The following BMPER variants were observed in gnomAD, a reference collection of about 807,000 sequenced individuals.
The protein encoded by BMPER is BMP binding endothelial regulator, also known as BMP-binding endothelial regulator protein.
Under a neutral mutation model 87.3 loss-of-function variants are expected in BMPER, and 45 were observed. The observed-to-expected ratio is 0.52, with a 90% CI of 0.41 to 0.66. The LOEUF is 0.66. Among genes scored for constraint, BMPER ranks in the 30% least tolerant of loss-of-function variants. The pLI is 0.00. For synonymous variants in BMPER, 326 were observed against 316.2 expected, an observed-to-expected ratio of 1.03 and a Z score of -0.33; for missense variants, 784 against 867.5, an observed-to-expected ratio of 0.90 and a Z score of 1.21.
chr7:33,981,927 GCA>G (rs1406378536), intron 6 of BMPER, among the ~76,000 whole-genome samples: 3 of 152,218 alleles, frequency 2.0e-5, no homozygotes, highest in Non-Finnish European at 4.4e-5. Context: ...AGTTCTGGTG[GCA>G]GGAAGCTGTG....
At chr7:34,068,302 T>C (rs991580523) in intron 11 of BMPER, among the ~76,000 whole-genome samples, 9 of 152,244 alleles carry the variant, frequency 5.9e-5, no homozygotes, top group African/African-American at 2.2e-4. Context: ...GGTCTGGAAT[T>C]ACTTCCCTTA....
chr7:34,069,987 A>G (rs1788695715), intron 11 of BMPER, among the ~76,000 whole-genome samples: 1 of 151,786 alleles, frequency 6.6e-6, no homozygotes, highest in Non-Finnish European at 1.5e-5. Context: ...CTGACTTTCC[A>G]TATCCTTCTT....
chr7:33,938,871 T>C (rs1562641887), intron 3 of BMPER, among the ~76,000 whole-genome samples: 1 of 151,896 alleles, frequency 6.6e-6, no homozygotes, highest in South Asian at 2.1e-4. Flanking sequence ...ACTAAAAATA[T>C]AAAAATTAGC....
intron 6 of BMPER, among the ~76,000 whole-genome samples, chr7:34,036,702 G>A (rs890983649): frequency 9.9e-5 from 15 of 152,086 alleles, no homozygotes; most frequent in Non-Finnish European, 1.6e-4. Context: ...CCTATAGGGT[G>A]GGCTTATCTT....
intron 13 of BMPER, among the ~76,000 whole-genome samples, chr7:34,131,412 A>G (rs1790585236): frequency 6.6e-6 from 1 of 152,210 alleles, no homozygotes; most frequent in Non-Finnish European, 1.5e-5. Context: ...GGCCCCCAGC[A>G]TCTGAAAAAG....
In BMPER at chr7:34,079,273, T is replaced by A. The variant is rs970441953; in HGVS notation, c.1408+87T>A. On this transcript the variant is annotated intron_variant, in intron 12 of 14. Coordinates refer to ENST00000649409, the MANE Select transcript of BMPER (RefSeq NM_001365308.1). ...CTGCTCGGTTAGAGCACTCAGGAGA[T>A]GTGGTTCCTCCTCCGAGCAAAAACC... 8.4e-6 allele frequency: 13 copies of A among 1,556,636 alleles called. No homozygotes were observed. In the African/African-American group the frequency reaches 1.6e-4, roughly 20 times the overall value.
chr7:34,075,208 T>C (rs1788832709), intron 11 of BMPER, among the ~76,000 whole-genome samples: 1 of 152,208 alleles, frequency 6.6e-6, no homozygotes. Context: ...TTATTTCTCA[T>C]AGCAATCTTA....
At chr7:34,132,382 G>T (rs34107665) in intron 13 of BMPER, among the ~76,000 whole-genome samples, 24 of 149,674 alleles carry the variant, frequency 1.6e-4, no homozygotes, top group Admixed American at 1.6e-3. Context: ...GTTCTGCCCT[G>T]CTCTCCCCAC....
At chr7:33,988,334 AT>A (rs1171124848) in intron 6 of BMPER, among the ~76,000 whole-genome samples, 1 of 152,104 alleles carries the variant, frequency 6.6e-6, no homozygotes, top group East Asian at 1.9e-4. Context: ...AGAATTTTGG[AT>A]TTTGTTATTA....
chr7:34,084,406 A>G (rs1467972348), intron 12 of BMPER, among the ~76,000 whole-genome samples: 1 of 152,196 alleles, frequency 6.6e-6, no homozygotes, highest in African/African-American at 2.4e-5. Flanking sequence ...CAGAGAGTGA[A>G]TTAGGAGAAG....
chr7:33,916,464 G>C (rs900066383), intron 2 of BMPER, among the ~76,000 whole-genome samples: 5 of 152,148 alleles, frequency 3.3e-5, no homozygotes, highest in African/African-American at 1.2e-4. Flanking sequence ...AGTGTGATGT[G>C]GCCAGCATCC....
chr7:33,984,773 G>A (rs1316386947), intron 6 of BMPER, among the ~76,000 whole-genome samples: 8 of 152,178 alleles, frequency 5.3e-5, no homozygotes, highest in East Asian at 1.9e-4. Context: ...ATCTCACTTC[G>A]TTGTATCCTA....
chr7:33,920,420 G>GTTTTTTT (rs58577259), intron 2 of BMPER, among the ~76,000 whole-genome samples: 25 of 86,396 alleles, frequency 2.9e-4, no homozygotes, highest in East Asian at 1.6e-3. Context: ...ACTCCGTTGT[G>GTTTTTTT]TTTTTTTTTT....
rs1334827453 is a variant in BMPER, at chr7:34,153,264, C to T, written c.2049C>T (p.Pro683=). 15 of 1,613,940 alleles carry T rather than the reference C, an allele frequency of 9.3e-6. No homozygotes were observed. Among genetic ancestry groups the T allele is most frequent in the Non-Finnish European group, 1.1e-5 (13 of 1,179,954 alleles). ...GGTGCATCAAGCCAGTCCTTTGTCC[C>T]CAGCGGTGACCTTTGTTTCGATCCT... ...KGRCIKPVLC[P]QR is the part of the protein sequence containing the mutation. The change falls in exon 15 of 15, where the codon CCC becomes CCT. Residue 683 remains proline (P), a synonymous_variant. Coordinates refer to ENST00000649409, the MANE Select transcript of BMPER (RefSeq NM_001365308.1).
chr7:34,003,698 A>G (rs1011140604), intron 6 of BMPER, among the ~76,000 whole-genome samples: 1 of 152,090 alleles, frequency 6.6e-6, no homozygotes, highest in African/African-American at 2.4e-5. Flanking sequence ...TGTTGCATGT[A>G]GTTAACATAC....
chr7:34,075,660 C>G (rs1234085895), intron 11 of BMPER, among the ~76,000 whole-genome samples: 7 of 152,232 alleles, frequency 4.6e-5, no homozygotes, highest in Non-Finnish European at 1.0e-4. Context: ...CTCCCTCTGC[C>G]TATCACGCCA....
At chr7:34,140,160 G>A (rs958841583) in intron 13 of BMPER, among the ~76,000 whole-genome samples, 1 of 152,144 alleles carries the variant, frequency 6.6e-6, no homozygotes, top group Non-Finnish European at 1.5e-5. Context: ...TTCAGCTTCC[G>A]TATCTATTAA....
chr7:33,976,565 A>AT (rs573788890), intron 6 of BMPER, among the ~76,000 whole-genome samples: 7 of 152,100 alleles, frequency 4.6e-5, no homozygotes, highest in African/African-American at 1.2e-4. Context: ...CTTTCTGATA[A>AT]TTTTTTTTAA....
At chr7:34,097,439 T>C (rs533628616) in intron 13 of BMPER, among the ~76,000 whole-genome samples, 116 of 152,314 alleles carry the variant, frequency 7.6e-4, no homozygotes, top group Non-Finnish European at 1.3e-3. Flanking sequence ...CCATTAACTA[T>C]GGGCAGGTTA....
Sources: gnomAD v4.1 joint callset for allele counts (sites outside exome capture counted in the v4.1 genomes callset) on GRCh38, gnomAD v4.1.1 for gene constraint, MANE v1.5 for transcripts, NCBI Gene and HGNC (gene_info 2026-07-23, HGNC 2026-07-21) for gene names.